Variants in WDHD1 observed in about 807,000 individuals in gnomAD.
The protein encoded by WDHD1 is WD repeat and HMG-box DNA binding protein 1.
Under a neutral mutation model 135.4 loss-of-function variants are expected in WDHD1, and 111 were observed. That is an observed-to-expected ratio of 0.82 (90% CI 0.70 to 0.96). The LOEUF (loss-of-function observed/expected upper bound fraction) is 0.96. Among genes scored for constraint, WDHD1 ranks in the 40% least tolerant of loss-of-function variants. The pLI is 0.00. For synonymous variants in WDHD1, 434 were observed against 439.0 expected (o/e 0.99, Z 0.14); for missense variants, 1,351 against 1,336.3 (o/e 1.01, Z -0.17).
chr14:55,013,446 G>T, intron 3 of WDHD1, 39 bp downstream of exon 3: 2 of 1,360,792 alleles, frequency 1.5e-6, no homozygotes, highest in Non-Finnish European at 1.1e-6. Context: ...TCACATGCCA[G>T]TATCATTTCA....
At chr14:54,952,621 T>C (rs562900162) in intron 24 of WDHD1, among the ~76,000 whole-genome samples, 17 of 152,328 alleles carry the variant, frequency 1.1e-4, no homozygotes, top group African/African-American at 4.1e-4. Context: ...ATGACTTTCT[T>C]CACAGAATTG....
chr14:54,980,096 G>A (rs867399615), intron 16 of WDHD1, among the ~76,000 whole-genome samples: 24 of 151,936 alleles, frequency 1.6e-4, no homozygotes, highest in African/African-American at 5.3e-4. Flanking sequence ...AGGCCGAGGC[G>A]GGAAGATCCC....
At chr14:55,008,797 C>CTTT (rs371293649) in intron 4 of WDHD1, 78 bp from the exon 5 acceptor site, 150 of 745,788 alleles carry the variant, frequency 2.0e-4, no homozygotes, top group East Asian at 1.1e-3. Flanking sequence ...CCAAATATTT[C>CTTT]TTTTTTTTTT....
chr14:55,011,037 T>C (rs1205600381), intron 3 of WDHD1, among the ~76,000 whole-genome samples: 1 of 152,240 alleles, frequency 6.6e-6, no homozygotes, highest in Non-Finnish European at 1.5e-5. Context: ...GAGCCAACCA[T>C]GACGACACCT....
At chr14:54,974,377 G>A (rs2140181639) in intron 16 of WDHD1, among the ~76,000 whole-genome samples, 1 of 151,276 alleles carries the variant, frequency 6.6e-6, no homozygotes, top group East Asian at 1.9e-4. Flanking sequence ...AAGTTGCAGT[G>A]AGCTGAGGTC....
At chr14:54,961,130 A>G (rs1478675119) in intron 21 of WDHD1, among the ~76,000 whole-genome samples, 1 of 152,044 alleles carries the variant, frequency 6.6e-6, no homozygotes, top group Non-Finnish European at 1.5e-5. Flanking sequence ...GTTCTTCTTC[A>G]GCACAGTGTG....
At position 54,981,572 on chromosome 14, in the gene WDHD1, C is replaced by A; in HGVS notation, c.2031G>T (p.Val677=). The A allele has an allele frequency of 6.2e-7, 1 of 1,609,812 alleles. No homozygotes were observed. The highest frequency in any genetic ancestry group is 8.5e-7 in the Non-Finnish European group (1 of 1,178,556). Residue 677 remains valine (V), a synonymous_variant, in exon 16 of 26, where the codon GTG becomes GTT. Coordinates refer to ENST00000360586, the MANE Select transcript of WDHD1 (RefSeq NM_007086.4). ...GCTGGGGATTTTCATGGATACCAAC[C>A]ACCCAGTAGTGATCAGATTTTCCTT... is the stretch of plus-strand genomic sequence containing the variant. The part of the protein sequence containing the change: ...HCKGKSDHYW[V]VGIHENPQQL...
chr14:54,967,088 G>C (rs936787761), intron 17 of WDHD1, among the ~76,000 whole-genome samples, 192 bp downstream of exon 17: 9 of 152,152 alleles, frequency 5.9e-5, no homozygotes, highest in Non-Finnish European at 1.3e-4. Flanking sequence ...TGTAGACAAA[G>C]TCCCTGGAAG....
In WDHD1 at chr14:54,995,640, C is replaced by A. The variant is rs1310476477; in HGVS notation, c.1116G>T (p.Gln372His). The change falls in exon 11 of 26, where the codon CAG (glutamine) becomes CAT (histidine). Residue 372 changes from glutamine (Q) to histidine (H), a missense_variant. Gln to His is a conservative substitution (Grantham distance 24). Around this residue, in one of 2 missense-constraint regions of WDHD1, gnomAD observed 1,330 missense variants for 1,296.1 expected, o/e 1.03. Transcript: ENST00000360586. ...CATCATCTTCTAGGATGTGACTTCG[C>A]TGTCTAGGACGACCTGAAGCCATCA... is the stretch of plus-strand genomic sequence containing the variant. ...DLMMASGRPR[Q>H]RSHILEDDEN... The A allele has an allele frequency of 6.2e-7, 1 of 1,609,198 alleles. No individual in the cohort carries two copies. The highest frequency in any genetic ancestry group is 1.3e-5 in the African/African-American group (1 of 74,706).
intron 2 of WDHD1, among the ~76,000 whole-genome samples, chr14:55,018,163 G>GTAT (rs1255687019): frequency 1.3e-5 from 2 of 151,974 alleles, no homozygotes; most frequent in African/African-American, 2.4e-5. Context: ...TGTAATAATG[G>GTAT]TATTATTATT....
intron 16 of WDHD1, among the ~76,000 whole-genome samples, chr14:54,972,975 G>A (rs193165683): frequency 8.2e-4 from 125 of 152,194 alleles, no homozygotes; most frequent in Middle Eastern, 3.4e-3. Flanking sequence ...ATTCAAACAC[G>A]CCCATCATGA....
At chr14:55,026,990 C>G (rs1177881333) in intron 1 of WDHD1, 38 bp downstream of exon 1, 3 of 576,774 alleles carry the variant, frequency 5.2e-6, no homozygotes, top group Non-Finnish European at 6.2e-6. Context: ...GAACACGCAT[C>G]TCCTTGGTGG....
intron 16 of WDHD1, among the ~76,000 whole-genome samples, chr14:54,978,013 TGAA>T (rs1369272639): frequency 2.6e-5 from 4 of 151,758 alleles, no homozygotes; most frequent in Non-Finnish European, 4.4e-5. Context: ...TTAAATGAAA[TGAA>T]GAAGCAAAAT....
intron 12 of WDHD1, among the ~76,000 whole-genome samples, chr14:54,990,402 CCTGT>C (rs2041765613): frequency 6.6e-6 from 1 of 152,080 alleles, no homozygotes; most frequent in Non-Finnish European, 1.5e-5. Context: ...TCGAGACCAT[CCTGT>C]CTAACATGGT....
Position 55,022,072 on chromosome 14 carries a change from T to C in WDHD1, c.77+4639A>G, listed in dbSNP as rs554043451. 1.4e-4 allele frequency among the ~76,000 whole-genome samples: 21 copies of C among 152,308 alleles called. No homozygotes were observed. The Middle Eastern group carries it at 0.01, about 75-fold the overall frequency. On this transcript the variant is annotated intron_variant, in intron 2 of 25. Transcript: ENST00000360586. ...GAGACATTGTGTTTGGGGGCAAGTA[T>C]ACCAGTTTGACACCTTCAGTATTGA...
At chr14:54,978,615 T>A (rs979877706) in intron 16 of WDHD1, among the ~76,000 whole-genome samples, 1 of 152,094 alleles carries the variant, frequency 6.6e-6, no homozygotes, top group African/African-American at 2.4e-5. Context: ...TGAATATACT[T>A]CTTCTGATAC....
intron 7 of WDHD1, chr14:55,005,650 C>T (rs1258536885): frequency 8.7e-6 from 5 of 576,228 alleles, no homozygotes; most frequent in African/African-American, 3.7e-5. Context: ...TAAGGACATC[C>T]TCCTCCTTCA....
intron 24 of WDHD1, among the ~76,000 whole-genome samples, chr14:54,953,800 G>A (rs2041104192): frequency 6.6e-6 from 1 of 152,104 alleles, no homozygotes; most frequent in African/African-American, 2.4e-5. Flanking sequence ...CCATAAAAAA[G>A]GATGAATTCA....
At chr14:54,973,529 CTAG>C (rs2041474378) in intron 16 of WDHD1, among the ~76,000 whole-genome samples, 1 of 151,984 alleles carries the variant, frequency 6.6e-6, no homozygotes, top group Non-Finnish European at 1.5e-5. Flanking sequence ...TATAAAAAAT[CTAG>C]TTTTCACCAC....
Sources: gnomAD v4.1 joint callset for allele counts (sites outside exome capture counted in the v4.1 genomes callset) on GRCh38, gnomAD v4.1.1 for gene constraint, gnomAD v4.1.1 regional missense constraint, MANE v1.5 for transcripts, NCBI Gene and HGNC (gene_info 2026-07-23, HGNC 2026-07-21) for gene names.